Variants in FGF13 observed in about 807,000 individuals in gnomAD.
FGF13 encodes fibroblast growth factor 13.
FGF13 carries 2 observed loss-of-function variants against 19.5 expected under a neutral mutation model. The ratio of observed to expected loss-of-function variants is 0.10; its 90% CI spans 0.04 to 0.32. The LOEUF (loss-of-function observed/expected upper bound fraction) is 0.32. Among genes scored for constraint, FGF13 ranks in the 10% least tolerant of loss-of-function variants. The pLI, the probability that FGF13 is intolerant of heterozygous loss-of-function variation, is 1.00. For missense variants in FGF13, 113 were observed against 192.7 expected (o/e 0.59, Z 2.45); for synonymous variants, 72 against 76.9 (o/e 0.94, Z 0.33).
chrX:138,823,343 C>A (rs758346721), intron 3 of FGF13, among the ~76,000 whole-genome samples: 8 of 111,483 alleles, frequency 7.2e-5, no homozygotes, highest in African/African-American at 9.8e-5. Flanking sequence ...CAGTTTGCAG[C>A]AGGGAGGAGC....
At chrX:138,650,092 C>T (rs192545538) in intron 3 of FGF13, among the ~76,000 whole-genome samples, 1 of 111,894 alleles carries the variant, frequency 8.9e-6, no homozygotes, top group East Asian at 2.8e-4. Context: ...TCCCAGGTCT[C>T]AGCCTGAACT....
intron 1 of FGF13, among the ~76,000 whole-genome samples, chrX:139,042,934 T>C (rs756391504): frequency 2.7e-5 from 3 of 111,975 alleles, no homozygotes; most frequent in Non-Finnish European, 3.8e-5. Context: ...TCCTTGTTTC[T>C]GGATCCACAA....
At chrX:139,009,903 C>T (rs1043816002) in intron 1 of FGF13, among the ~76,000 whole-genome samples, 4 of 111,673 alleles carry the variant, frequency 3.6e-5, no homozygotes, top group African/African-American at 1.3e-4. Flanking sequence ...CTGCTGTCTT[C>T]AGGAGACTCA....
At chrX:138,660,266 C>T (rs2089477966) in intron 3 of FGF13, among the ~76,000 whole-genome samples, 2 of 111,316 alleles carry the variant, frequency 1.8e-5, no homozygotes, top group South Asian at 7.6e-4. Context: ...GTAAAAGGAA[C>T]TTACTCCTTG....
intron 1 of FGF13, among the ~76,000 whole-genome samples, chrX:138,915,004 G>A (rs2091611092): frequency 9.0e-6 from 1 of 111,216 alleles, no homozygotes; most frequent in South Asian, 3.8e-4. Flanking sequence ...CCTGGGCATA[G>A]AGTAAGCTAG....
chrX:139,191,480 A>G (rs1024228359), intron 1 of FGF13, among the ~76,000 whole-genome samples: 1 of 112,042 alleles, frequency 8.9e-6, no homozygotes, highest in East Asian at 2.8e-4. Context: ...CAAAGTCCCA[A>G]AGGCTCTTGT....
intron 3 of FGF13, among the ~76,000 whole-genome samples, chrX:138,828,942 G>A (rs1321418431): frequency 9.0e-6 from 1 of 111,587 alleles, no homozygotes; most frequent in Non-Finnish European, 1.9e-5. Context: ...CTTAAATGGA[G>A]AGTACAATAG....
intron 1 of FGF13, among the ~76,000 whole-genome samples, chrX:139,181,098 G>C (rs761859430): frequency 8.9e-6 from 1 of 112,299 alleles, no homozygotes; most frequent in Non-Finnish European, 1.9e-5. Flanking sequence ...CTACAGAACC[G>C]AAACCTCACA....
intron 1 of FGF13, among the ~76,000 whole-genome samples, chrX:139,129,180 CATGTGT>C (rs2083742039): frequency 9.5e-6 from 1 of 104,730 alleles, no homozygotes; most frequent in Non-Finnish European, 1.9e-5. Flanking sequence ...CACACACACA[CATGTGT>C]GTGTGTGTAA....
downstream of FGF13, among the ~76,000 whole-genome samples, chrX:138,854,861 T>C (rs941279555): frequency 6.3e-5 from 7 of 111,983 alleles, no homozygotes; most frequent in African/African-American, 2.3e-4. Context: ...GTAGAATTGG[T>C]GAGCATCCAC....
intron 1 of FGF13, among the ~76,000 whole-genome samples, chrX:138,960,842 A>G (rs1488754086): frequency 8.9e-6 from 1 of 111,904 alleles, no homozygotes; most frequent in East Asian, 2.8e-4. Flanking sequence ...TTCTCGTGCC[A>G]TAGTTTTCAA....
intron 1 of FGF13, among the ~76,000 whole-genome samples, chrX:138,989,724 G>A (rs1035711940): frequency 4.0e-5 from 4 of 100,842 alleles, no homozygotes; most frequent in African/African-American, 1.5e-4. Flanking sequence ...TAATGACATG[G>A]AAAAACAATC....
intron 3 of FGF13, among the ~76,000 whole-genome samples, chrX:138,757,209 G>T (rs1048310571): frequency 9.1e-6 from 1 of 110,492 alleles, no homozygotes; most frequent in Admixed American, 9.7e-5. Flanking sequence ...CATATCATGT[G>T]CATTGATCAC....
intron 3 of FGF13, among the ~76,000 whole-genome samples, chrX:138,745,115 C>G (rs1338700772): frequency 8.9e-6 from 1 of 111,942 alleles, no homozygotes; most frequent in Non-Finnish European, 1.9e-5. Flanking sequence ...TGCTTTTATT[C>G]TGTTCAGTTG....
rs1035803311 is a variant in FGF13, at chrX:138,621,010, A to C, written c.*11840T>G. The C allele has an allele frequency of 2.7e-5, 3 of 111,995 alleles. No individual in the cohort carries two copies. In the Admixed American group the frequency reaches 2.9e-4, roughly 11 times the overall value. The allele number at this position is 111,995 out of a possible 1,213,427, so 9.2% of individuals were successfully genotyped here. A position where few individuals can be genotyped will look rare whatever the true frequency, so the allele number is the denominator to read the frequency against. ...AGGTATTAATAGATATGAACAGGAA[A>C]TATAGACTGTAATAGTATAGTAGTA... On this transcript the variant is annotated 3_prime_UTR_variant, in exon 5 of 5. Coordinates refer to ENST00000315930, the MANE Select transcript of FGF13 (RefSeq NM_004114.5).
intron 1 of FGF13, among the ~76,000 whole-genome samples, chrX:139,100,007 A>G (rs1454060401): frequency 2.9e-5 from 3 of 102,846 alleles, no homozygotes; most frequent in African/African-American, 1.1e-4. Context: ...TGCAATGGCC[A>G]TGTGGGTCAT....
intron 1 of FGF13, among the ~76,000 whole-genome samples, chrX:138,951,680 A>G (rs2091813495): frequency 9.0e-6 from 1 of 111,636 alleles, no homozygotes; most frequent in African/African-American, 3.3e-5. Flanking sequence ...TTAAAACCAC[A>G]ATAATACAGC....
chrX:138,788,329 C>A (rs2090710730), intron 3 of FGF13, among the ~76,000 whole-genome samples: 1 of 112,240 alleles, frequency 8.9e-6, no homozygotes, highest in Non-Finnish European at 1.9e-5. Context: ...GCTTAATGCT[C>A]TGCCCTCTAG....
intron 3 of FGF13, among the ~76,000 whole-genome samples, chrX:138,648,222 G>A (rs765006903): frequency 2.1e-4 from 23 of 111,977 alleles, no homozygotes; most frequent in Non-Finnish European, 3.9e-4. Context: ...GAACAGAACC[G>A]TAACACTCCC....
Sources: allele counts gnomAD v4.1 joint callset (sites outside exome capture counted in the v4.1 genomes callset), GRCh38; gene constraint gnomAD v4.1.1; transcripts MANE v1.5; gene names NCBI Gene and HGNC (gene_info 2026-07-23, HGNC 2026-07-21).